Variants in PPM1D observed in about 807,000 individuals in gnomAD.
The protein encoded by PPM1D is protein phosphatase 1D.
A neutral mutation model predicts 58.3 loss-of-function variants in PPM1D; 52 were observed. The ratio of observed to expected loss-of-function variants is 0.89; its 90% CI spans 0.71 to 1.12. The LOEUF (loss-of-function observed/expected upper bound fraction) is 1.12, where lower values mean the gene tolerates loss of function less well. Ranked by LOEUF, PPM1D falls within the 50% of genes most tolerant of loss-of-function variation. The pLI is 0.00. For synonymous variants in PPM1D, 278 were observed against 285.1 expected (o/e 0.98, Z 0.25); for missense variants, 564 against 777.2 (o/e 0.73, Z 3.26).
At chr17:60,619,617 T>A (rs1335253943) in intron 1 of PPM1D, among the ~76,000 whole-genome samples, 4 of 151,992 alleles carry the variant, frequency 2.6e-5, no homozygotes, top group Admixed American at 6.6e-5. Context: ...TTTTTTTAAT[T>A]TTTTTTTAGA....
intron 1 of PPM1D, among the ~76,000 whole-genome samples, chr17:60,603,636 G>A (rs2030268152): frequency 1.3e-5 from 2 of 152,192 alleles, no homozygotes; most frequent in Admixed American, 6.5e-5. Context: ...GGTGGTGCAT[G>A]CCTGTGATCC....
Position 60,600,240 on chromosome 17 carries a change from C to T in PPM1D, c.-175C>T. On this transcript the variant is annotated 5_prime_UTR_variant, in exon 1 of 6. Coordinates refer to ENST00000305921, the MANE Select transcript of PPM1D (RefSeq NM_003620.4). ...GCTCTGCTCGCTCCGGCGCTCCGGC[C>T]CAGCTCTCGCGGACAAGTCCAGACA... 7.7e-7 allele frequency: 1 copy of T among 1,300,150 alleles called. No homozygotes were observed. Among genetic ancestry groups the T allele is most frequent in the Non-Finnish European group, 1.0e-6 (1 of 981,944 alleles). The allele number at this position is 1,300,150 out of a possible 1,614,324, so 80.5% of individuals were successfully genotyped here.
intron 2 of PPM1D, among the ~76,000 whole-genome samples, chr17:60,632,795 C>A (rs1356549790): frequency 3.9e-5 from 6 of 152,084 alleles, no homozygotes; most frequent in Non-Finnish European, 8.8e-5. Context: ...TGGTGAAACC[C>A]TGTCTCTACT....
At chr17:60,656,465 AG>A in intron 4 of PPM1D, 133 bp from the exon 5 acceptor site, 2 of 1,180,396 alleles carry the variant, frequency 1.7e-6, no homozygotes, top group South Asian at 3.3e-5. Flanking sequence ...AAAAAAAAAA[AG>A]AGAAAAGAAA....
At chr17:60,654,158 G>T (rs2031391970) in intron 4 of PPM1D, among the ~76,000 whole-genome samples, 1 of 151,662 alleles carries the variant, frequency 6.6e-6, no homozygotes, top group Non-Finnish European at 1.5e-5. Flanking sequence ...ATTGATGTTG[G>T]CTGTGAGTTT....
At chr17:60,650,903 G>A (rs1234656613) in intron 4 of PPM1D, among the ~76,000 whole-genome samples, 2 of 152,064 alleles carry the variant, frequency 1.3e-5, no homozygotes, top group African/African-American at 4.8e-5. Flanking sequence ...CTCTATGATT[G>A]TACTTGTTAA....
rs770418200 is a variant in PPM1D, at chr17:60,663,600, C to CT, written c.*53dup. ...TTTCCAAACTTAGGATATAAGAGGGCTTTTTAAATTTGGTGCCGATGTTGA... is the reference window on the plus strand; with the variant it reads ...TTTCCAAACTTAGGATATAAGAGGGCTTTTTTAAATTTGGTGCCGATGTTGA... On this transcript the variant is annotated 3_prime_UTR_variant, in exon 6 of 6. Transcript: ENST00000305921. The CT allele has an allele frequency of 6.5e-7, 1 of 1,541,198 alleles. No individual in the cohort carries two copies. Among genetic ancestry groups the CT allele is most frequent in the Non-Finnish European group, 8.7e-7 (1 of 1,148,344 alleles).
At chr17:60,643,354 C>T (rs985086993) in intron 3 of PPM1D, among the ~76,000 whole-genome samples, 1 of 152,184 alleles carries the variant, frequency 6.6e-6, no homozygotes, top group African/African-American at 2.4e-5. Context: ...GCACTCCATC[C>T]TGGGCAATAG....
At chr17:60,653,766 C>T (rs942382099) in intron 4 of PPM1D, among the ~76,000 whole-genome samples, 3 of 152,198 alleles carry the variant, frequency 2.0e-5, no homozygotes, top group Non-Finnish European at 4.4e-5. Context: ...AAATTGATTA[C>T]TAGGCATTTT....
intron 4 of PPM1D, among the ~76,000 whole-genome samples, chr17:60,651,156 T>C (rs187196433): frequency 1.2e-4 from 18 of 152,122 alleles, no homozygotes; most frequent in African/African-American, 3.9e-4. Flanking sequence ...AAATGGTTTA[T>C]ATAATTGTTT....
intron 1 of PPM1D, among the ~76,000 whole-genome samples, chr17:60,605,829 T>C (rs138386496): frequency 0.047 from 7,096 of 152,220 alleles, 586 homozygotes; most frequent in African/African-American, 0.16. Flanking sequence ...TGCTTGAACC[T>C]GGGAGGCAGA....
chr17:60,608,384 G>C (rs1281901872), intron 1 of PPM1D, among the ~76,000 whole-genome samples: 1 of 152,060 alleles, frequency 6.6e-6, no homozygotes, highest in Non-Finnish European at 1.5e-5. Context: ...TTACCAGGCC[G>C]GGCATGGTGG....
chr17:60,644,990 G>A (rs1835981353), intron 3 of PPM1D, among the ~76,000 whole-genome samples: 1 of 152,066 alleles, frequency 6.6e-6, no homozygotes, highest in Admixed American at 6.6e-5. Flanking sequence ...TCAAAACCCA[G>A]AGTTTAAAAA....
chr17:60,623,448 G>C, intron 1 of PPM1D, 73 bp from the exon 2 acceptor site: 1 of 1,389,824 alleles, frequency 7.2e-7, no homozygotes, highest in African/African-American at 1.4e-5. Context: ...TTCAGAGTTT[G>C]TTGCCATTTG....
intron 1 of PPM1D, among the ~76,000 whole-genome samples, chr17:60,603,774 A>G (rs1322040325): frequency 6.6e-6 from 1 of 152,230 alleles, no homozygotes; most frequent in Non-Finnish European, 1.5e-5. Flanking sequence ...AAAAAAAAAA[A>G]AGACAGCTGA....
intron 3 of PPM1D, among the ~76,000 whole-genome samples, chr17:60,634,904 C>G (rs2030994435): frequency 6.6e-6 from 1 of 152,130 alleles, no homozygotes; most frequent in Non-Finnish European, 1.5e-5. Context: ...CGTTAGCCTC[C>G]CGAGTAACTG....
intron 1 of PPM1D, among the ~76,000 whole-genome samples, chr17:60,619,634 T>C (rs1298301901): frequency 6.6e-6 from 1 of 152,084 alleles, no homozygotes. Flanking sequence ...TAGATGGGTC[T>C]TCTCGCTCTG....
At chr17:60,639,627 G>A (rs1451405758) in intron 3 of PPM1D, among the ~76,000 whole-genome samples, 3 of 152,084 alleles carry the variant, frequency 2.0e-5, no homozygotes, top group African/African-American at 7.2e-5. Context: ...TAGTACAGAC[G>A]GGGTTTCACC....
chr17:60,643,756 A>C (rs2031181887), intron 3 of PPM1D, among the ~76,000 whole-genome samples: 1 of 152,164 alleles, frequency 6.6e-6, no homozygotes. Flanking sequence ...ACATGACATC[A>C]GCAATGTAGT....
Sources: gnomAD v4.1 joint callset for allele counts (sites outside exome capture counted in the v4.1 genomes callset) on GRCh38, gnomAD v4.1.1 for gene constraint, MANE v1.5 for transcripts, NCBI Gene and HGNC (gene_info 2026-07-23, HGNC 2026-07-21) for gene names.